LYPD6B: variants seen among roughly 807,000 people sequenced by gnomAD.
The protein encoded by LYPD6B is LY6/PLAUR domain containing 6B.
A neutral mutation model predicts 22.8 loss-of-function variants in LYPD6B; 17 were observed. The ratio of observed to expected loss-of-function variants is 0.75; its 90% CI spans 0.51 to 1.12. The LOEUF is 1.12. Ranked by LOEUF, LYPD6B falls within the 50% of genes most tolerant of loss-of-function variation. LYPD6B has a pLI of 0.00. For missense variants in LYPD6B, 221 were observed against 258.3 expected (o/e 0.86, Z 0.99); for synonymous variants, 106 against 91.6 (o/e 1.16, Z -0.90).
At position 149,189,342 on chromosome 2, in the gene LYPD6B, T is replaced by TTTTATATATATA. The variant is rs1553500263; in HGVS notation, c.78-15910_78-15909insTTATATATATAT. ...AACAATTTTTTTGATTTGTCCAAAA[T>TTTTATATATATA]TATATATATATATATATATATATAT... On this transcript the variant is annotated intron_variant, in intron 3 of 6. Transcript: ENST00000409642. Among the ~76,000 whole-genome samples, 39 of 66,104 alleles carry TTTTATATATATA rather than the reference T, an allele frequency of 5.9e-4. No individual in the cohort carries two copies. In the East Asian group the frequency reaches 0.018, roughly 30 times the overall value. 43.4% of individuals were successfully genotyped at this position (66,104 alleles called of 152,430 possible). A position where few individuals can be genotyped will look rare whatever the true frequency, so the allele number is the denominator to read the frequency against.
At chr2:149,067,245 T>C (rs968510879) in intron 1 of LYPD6B, among the ~76,000 whole-genome samples, 4 of 152,170 alleles carry the variant, frequency 2.6e-5, no homozygotes, top group African/African-American at 9.7e-5. Context: ...CTACATAATA[T>C]GTAAATGGTT....
rs187746365 is a variant in LYPD6B at position 149,075,324 on chromosome 2, A to T, written c.-67+36523A>T. 3.4e-3 allele frequency among the ~76,000 whole-genome samples: 516 copies of T among 152,340 alleles called. 2 individuals are homozygous for T. Among genetic ancestry groups the T allele is most frequent in the African/African-American group, 0.012 (492 of 41,580 alleles). On this transcript the variant is annotated intron_variant, in intron 1 of 6. Coordinates refer to ENST00000409642, the MANE Select transcript of LYPD6B (RefSeq NM_177964.5). Reference sequence around the variant, plus strand: ...TATAGTAATAGAAAAATGTAGACACAGACAATCAAGTGTAGATTGACTGTT... The same window carrying T: ...TATAGTAATAGAAAAATGTAGACACTGACAATCAAGTGTAGATTGACTGTT...
chr2:149,210,963 G>A lies in LYPD6B; in HGVS notation c.329-2029G>A, dbSNP rs138894010. On this transcript the variant is annotated intron_variant, in intron 5 of 6. Coordinates refer to ENST00000409642, the MANE Select transcript of LYPD6B (RefSeq NM_177964.5). ...AAGAAAAGAGATTTAATTGGCTTAC[G>A]GTTCCATAGGCTGTTCAGGAAGCAT... 7.0e-4 allele frequency among the ~76,000 whole-genome samples: 106 copies of A among 152,242 alleles called. 1 individual carries two copies. In the East Asian group the frequency reaches 0.01, roughly 15 times the overall value.
chr2:149,128,842 T>A (rs1227482697), intron 1 of LYPD6B, among the ~76,000 whole-genome samples: 1 of 152,220 alleles, frequency 6.6e-6, no homozygotes, highest in Non-Finnish European at 1.5e-5. Flanking sequence ...ACCTACTTTT[T>A]CTTTGCTTTT....
intron 1 of LYPD6B, among the ~76,000 whole-genome samples, chr2:149,126,743 G>T (rs1406330410): frequency 6.6e-6 from 1 of 152,164 alleles, no homozygotes; most frequent in East Asian, 1.9e-4. Flanking sequence ...TTGGATTGGT[G>T]TCTATCACCA....
At position 149,099,250 on chromosome 2, in the gene LYPD6B, A is replaced by C. The variant is rs1374484247; in HGVS notation, c.-66-31633A>C. 2.0e-5 allele frequency among the ~76,000 whole-genome samples: 3 copies of C among 152,142 alleles called. No individual in the cohort carries two copies. The East Asian group carries it at 5.8e-4, about 29-fold the overall frequency. ...GAATTACAGTAAATAACAACTAAAA[A>C]AATTATATGTTGTTTATAATTCAGA... On this transcript the variant is annotated intron_variant, in intron 1 of 6. Coordinates refer to ENST00000409642, the MANE Select transcript of LYPD6B (RefSeq NM_177964.5).
In LYPD6B at chr2:149,153,843, A is replaced by T. The variant is rs1352038914; in HGVS notation, c.6-6921A>T. ...GGTGATCCAAGCTGGGGCCAGGGTG[A>T]TCGTGACGGCAGGCATGGAAAAGAG... is the stretch of plus-strand genomic sequence containing the variant. On this transcript the variant is annotated intron_variant, in intron 2 of 6. Transcript: ENST00000409642. Among the ~76,000 whole-genome samples, 6 of 152,112 alleles carry T rather than the reference A, an allele frequency of 3.9e-5. 1 individual carries two copies. Among genetic ancestry groups the T allele is most frequent in the Non-Finnish European group, 7.3e-5 (5 of 68,036 alleles).
chr2:149,049,474 C>G (rs1683454177), intron 1 of LYPD6B, among the ~76,000 whole-genome samples: 1 of 152,170 alleles, frequency 6.6e-6, no homozygotes, highest in Non-Finnish European at 1.5e-5. Flanking sequence ...TTGCTTCTTA[C>G]AGTATGAAAA....
At chr2:149,056,825 A>G (rs1293951166) in intron 1 of LYPD6B, among the ~76,000 whole-genome samples, 1 of 152,152 alleles carries the variant, frequency 6.6e-6, no homozygotes, top group African/African-American at 2.4e-5. Flanking sequence ...AAGACTACTC[A>G]GCATTGTCCA....
chr2:149,126,534 G>A (rs1468828920), intron 1 of LYPD6B, among the ~76,000 whole-genome samples: 1 of 152,182 alleles, frequency 6.6e-6, no homozygotes, highest in South Asian at 2.1e-4. Context: ...TACGGATAAA[G>A]GTCCTCATCC....
At chr2:149,059,836 C>T (rs151075668) in intron 1 of LYPD6B, among the ~76,000 whole-genome samples, 1 of 152,174 alleles carries the variant, frequency 6.6e-6, no homozygotes, top group African/African-American at 2.4e-5. Flanking sequence ...AATAAAGCAG[C>T]CTGTGCACTT....
At chr2:149,081,364 G>A (rs1574932261) in intron 1 of LYPD6B, among the ~76,000 whole-genome samples, 4 of 152,292 alleles carry the variant, frequency 2.6e-5, no homozygotes, top group Admixed American at 1.3e-4. Flanking sequence ...TTCTGAGGTT[G>A]TTTCAGAAAC....
intron 2 of LYPD6B, among the ~76,000 whole-genome samples, chr2:149,134,870 T>C (rs572349279): frequency 6.6e-6 from 1 of 152,374 alleles, no homozygotes; most frequent in Non-Finnish European, 1.5e-5. Context: ...AAGAGCATGC[T>C]ATATTCATAA....
intron 1 of LYPD6B, among the ~76,000 whole-genome samples, chr2:149,100,419 A>C (rs1686143505): frequency 1.4e-5 from 2 of 141,822 alleles, no homozygotes; most frequent in African/African-American, 5.8e-5. Context: ...GCTTTGACAA[A>C]AAAAAAAAAA....
chr2:149,067,633 T>C (rs1338618199), intron 1 of LYPD6B, among the ~76,000 whole-genome samples: 1 of 151,914 alleles, frequency 6.6e-6, no homozygotes, highest in Admixed American at 6.6e-5. Flanking sequence ...ATATAGTCTT[T>C]GCTTTTTTCC....
intron 1 of LYPD6B, among the ~76,000 whole-genome samples, chr2:149,104,887 T>C (rs2105506093): frequency 6.6e-6 from 1 of 152,302 alleles, no homozygotes. Context: ...TTGTTTTTCT[T>C]AGTTGGAATT....
At chr2:149,100,633 G>C (rs1189454693) in intron 1 of LYPD6B, among the ~76,000 whole-genome samples, 1 of 152,094 alleles carries the variant, frequency 6.6e-6, no homozygotes, top group Non-Finnish European at 1.5e-5. Context: ...CAATGCTCCT[G>C]TGCTTGGACA....
Position 149,214,858 on chromosome 2 carries a change from A to G in LYPD6B, c.*148A>G. ...AGGCGAAAGCCAGTGGTTTGCTTGG[A>G]TAAAATGTTCCCGCATGAGGCCACA... On this transcript the variant is annotated 3_prime_UTR_variant, in exon 7 of 7. Transcript: ENST00000409642. 2 of 852,730 alleles carry G rather than the reference A, an allele frequency of 2.3e-6. No individual in the cohort carries two copies. The highest frequency in any genetic ancestry group is 4.9e-5 in the East Asian group (2 of 40,898). The allele number at this position is 852,730 out of a possible 1,614,324, so 52.8% of individuals were successfully genotyped here.
intron 2 of LYPD6B, among the ~76,000 whole-genome samples, chr2:149,142,614 A>G (rs1293334463): frequency 6.6e-6 from 1 of 152,068 alleles, no homozygotes; most frequent in East Asian, 1.9e-4. Flanking sequence ...GTTGTATATA[A>G]TGCTTATCAA....
Sources: allele counts gnomAD v4.1 joint callset (sites outside exome capture counted in the v4.1 genomes callset), GRCh38; gene constraint gnomAD v4.1.1; transcripts MANE v1.5; gene names NCBI Gene and HGNC (gene_info 2026-07-23, HGNC 2026-07-21).